RYR2: variants seen among roughly 807,000 people sequenced by gnomAD.
RYR2 encodes the protein ryanodine receptor 2, also known as cardiac muscle ryanodine receptor-calcium release channel.
A neutral mutation model predicts 601.1 loss-of-function variants in RYR2; 227 were observed. The ratio of observed to expected loss-of-function variants is 0.38; its 90% CI spans 0.34 to 0.42. The LOEUF is 0.42. Ranked by LOEUF, RYR2 falls within the 10% of genes least tolerant of loss-of-function variation. The pLI is 1.00. For synonymous variants in RYR2, 2,223 were observed against 2,175.1 expected (o/e 1.02, Z -0.61); for missense variants, 4,646 against 6,156.5 (o/e 0.75, Z 8.21).
intron 8 of RYR2, among the ~76,000 whole-genome samples, chr1:237,383,492 C>T (rs149467655): frequency 0.011 from 1,433 of 132,484 alleles, 17 homozygotes; most frequent in Non-Finnish European, 0.013. Context: ...TACAGGGGCA[C>T]GATCTCGGCT....
rs1402897527 is a variant in RYR2 at position 237,268,949 on chromosome 1, A to AAAAAAAC, written c.49-1542_49-1541insCAAAAAA. On this transcript the variant is annotated intron_variant, in intron 1 of 104. Transcript: ENST00000366574. ...GACTCTTGTCTCAAAAAAAAAAAAA[A>AAAAAAAC]AAAAAAAAAAAAGGAAATAAAGGCA... Among the ~76,000 whole-genome samples the AAAAAAAC allele has an allele frequency of 7.8e-3, 1,140 of 146,216 alleles. 129 individuals carry two copies. The highest frequency in any genetic ancestry group is 0.013 in the Non-Finnish European group (881 of 65,778).
intron 48 of RYR2, among the ~76,000 whole-genome samples, chr1:237,646,067 C>T (rs1361502376): frequency 6.6e-6 from 1 of 151,956 alleles, no homozygotes; most frequent in African/African-American, 2.4e-5. Context: ...TTCGTAGACA[C>T]GGGGTTTCAC....
At chr1:237,093,485 A>T (rs1020403001) in intron 1 of RYR2, among the ~76,000 whole-genome samples, 1 of 152,202 alleles carries the variant, frequency 6.6e-6, no homozygotes, top group Non-Finnish European at 1.5e-5. Flanking sequence ...TGACAGGAGC[A>T]GGAGCCCCAG....
At chr1:237,401,354 A>G (rs1250565278) in intron 10 of RYR2, among the ~76,000 whole-genome samples, 2 of 151,900 alleles carry the variant, frequency 1.3e-5, no homozygotes, top group Non-Finnish European at 2.9e-5. Context: ...TCAGATACCA[A>G]TCACAAATGG....
At chr1:237,054,570 G>T (rs774139839) in intron 1 of RYR2, among the ~76,000 whole-genome samples, 1 of 152,074 alleles carries the variant, frequency 6.6e-6, no homozygotes, top group African/African-American at 2.4e-5. Flanking sequence ...TGTAGATACC[G>T]AGTGGGTTTA....
chr1:237,456,529 AT>A, intron 15 of RYR2, 70 bp from the exon 16 acceptor site: 1 of 1,392,608 alleles, frequency 7.2e-7, no homozygotes, highest in Non-Finnish European at 9.4e-7. Flanking sequence ...TCAACTTAGC[AT>A]TTTTAGTCTG....
At chr1:237,639,879 G>GA (rs950625347) in intron 46 of RYR2, among the ~76,000 whole-genome samples, 7 of 151,808 alleles carry the variant, frequency 4.6e-5, no homozygotes, top group Non-Finnish European at 7.4e-5. Flanking sequence ...CATTTCTAAA[G>GA]AAAAAAAAGA....
At position 237,677,465 on chromosome 1, in the gene RYR2, C is replaced by T. The variant is rs137867946; in HGVS notation, c.8831-583C>T. ...TTCACTTATGAAAATTATCTTTTGA[C>T]ATAGGTCAAAATTTCTTTATGCTTT... On this transcript the variant is annotated intron_variant, in intron 60 of 104. Transcript: ENST00000366574. 2.5e-4 allele frequency among the ~76,000 whole-genome samples: 38 copies of T among 152,256 alleles called. 1 individual carries two copies. The East Asian group carries it at 6.7e-3, about 27-fold the overall frequency.
At position 237,159,599 on chromosome 1, in the gene RYR2, G is replaced by A. The variant is rs533166694; in HGVS notation, c.49-110898G>A. ...TAATCCCAGCATTTTGGGAGGCCGAGGCAGGAGGATTGCTTGAGCTCAGGA... is the reference window on the plus strand; with the variant it reads ...TAATCCCAGCATTTTGGGAGGCCGAAGCAGGAGGATTGCTTGAGCTCAGGA... On this transcript the variant is annotated intron_variant, in intron 1 of 104. Transcript: ENST00000366574. 4.6e-5 allele frequency among the ~76,000 whole-genome samples: 7 copies of A among 152,252 alleles called. No individual in the cohort carries two copies. In the South Asian group the frequency reaches 1.5e-3, roughly 32 times the overall value.
chr1:237,085,999 A>C (rs4076465), intron 1 of RYR2, among the ~76,000 whole-genome samples: 59,491 of 152,104 alleles, frequency 0.39, 12,638 homozygotes, highest in Middle Eastern at 0.49. Context: ...AAGCGACCTG[A>C]CTGCCTTGGC....
At chr1:237,426,507 G>C (rs143349572) in intron 12 of RYR2, among the ~76,000 whole-genome samples, 7 of 152,120 alleles carry the variant, frequency 4.6e-5, no homozygotes, top group Non-Finnish European at 8.8e-5. Context: ...TAGCACCTCC[G>C]TCCAGAAAGA....
rs1668653228 is a variant in RYR2 at position 237,106,130 on chromosome 1, T to G, written c.48+63561T>G. On this transcript the variant is annotated intron_variant, in intron 1 of 104. Coordinates refer to ENST00000366574, the MANE Select transcript of RYR2 (RefSeq NM_001035.3). The surrounding 1 kb of genome is among the most constrained non-coding windows in gnomAD (Gnocchi z 4.4). ...GTTGAGAGGACTGGGCTCTTGCTATTACTTTTAGCCATATGGGAGTCATTG... is the reference window on the plus strand; with the variant it reads ...GTTGAGAGGACTGGGCTCTTGCTATGACTTTTAGCCATATGGGAGTCATTG... Among the ~76,000 whole-genome samples the G allele has an allele frequency of 6.6e-6, 1 of 152,148 alleles. No homozygotes were observed.
chr1:237,702,794 G>A (rs908645951), intron 66 of RYR2, among the ~76,000 whole-genome samples: 5 of 151,924 alleles, frequency 3.3e-5, no homozygotes, highest in Admixed American at 3.3e-4. Context: ...AAAGAGTAAT[G>A]AACAGGTACT....
At chr1:237,619,586 A>G (rs925787370) in intron 38 of RYR2, among the ~76,000 whole-genome samples, 1 of 152,310 alleles carries the variant, frequency 6.6e-6, no homozygotes, top group African/African-American at 2.4e-5. Flanking sequence ...AAACTTTTCA[A>G]GTTCAGTAAA....
chr1:237,791,337 T>C, intron 92 of RYR2, 92 bp from the exon 93 acceptor site: 2 of 726,992 alleles, frequency 2.8e-6, no homozygotes, highest in South Asian at 3.1e-5. Flanking sequence ...GATCAATTGT[T>C]TGGGGTAAAT....
intron 29 of RYR2, among the ~76,000 whole-genome samples, chr1:237,587,274 C>A (rs1161948060): frequency 6.6e-6 from 1 of 152,174 alleles, no homozygotes; most frequent in East Asian, 1.9e-4. Flanking sequence ...AGTGTTAGGA[C>A]TCAAACAGTA....
At chr1:237,149,566 G>A (rs1258598812) in intron 1 of RYR2, among the ~76,000 whole-genome samples, 2 of 151,872 alleles carry the variant, frequency 1.3e-5, no homozygotes, top group African/African-American at 2.4e-5. Flanking sequence ...AAGAATACAA[G>A]ACAGTAGCAG....
In RYR2 at chr1:237,379,618, G is replaced by GT. The variant is rs531714508; in HGVS notation, c.576+2191dup. Among the ~76,000 whole-genome samples, 470 of 152,060 alleles carry GT rather than the reference G, an allele frequency of 3.1e-3. 3 individuals are homozygous for GT. The highest frequency in any genetic ancestry group is 0.011 in the African/African-American group (439 of 41,488). Reference sequence around the variant, plus strand: ...AGTGATTTCCAAACTACATTTTATTGTTTTTTTTATTTTATTTTATTTATT... The same window carrying GT: ...AGTGATTTCCAAACTACATTTTATTGTTTTTTTTTATTTTATTTTATTTATT... On this transcript the variant is annotated intron_variant, in intron 8 of 104. Transcript: ENST00000366574.
At chr1:237,384,124 A>G (rs190047417) in intron 8 of RYR2, among the ~76,000 whole-genome samples, 7 of 152,342 alleles carry the variant, frequency 4.6e-5, no homozygotes, top group African/African-American at 1.7e-4. Context: ...TTTCTTCAGA[A>G]GAGTAGACCT....
Sources: allele counts gnomAD v4.1 joint callset (sites outside exome capture counted in the v4.1 genomes callset), GRCh38; gene constraint gnomAD v4.1.1; non-coding constraint Gnocchi (gnomAD v3.1); transcripts MANE v1.5; gene names NCBI Gene and HGNC (gene_info 2026-07-23, HGNC 2026-07-21).